The following BDH1 variants were observed in gnomAD, a reference collection of about 807,000 sequenced individuals.
BDH1 encodes the protein 3-hydroxybutyrate dehydrogenase 1.
BDH1 carries 30 observed loss-of-function variants against 33.1 expected under a neutral mutation model. The ratio of observed to expected loss-of-function variants is 0.91; its 90% CI spans 0.68 to 1.23. BDH1 has a LOEUF of 1.23. Ranked by LOEUF, BDH1 falls within the 50% of genes most tolerant of loss-of-function variation. The pLI, the probability that BDH1 is intolerant of heterozygous loss-of-function variation, is 0.00. For synonymous variants in BDH1, 190 were observed against 183.6 expected, an observed-to-expected ratio of 1.03 and a Z score of -0.28; for missense variants, 443 against 464.4, an observed-to-expected ratio of 0.95 and a Z score of 0.42.
upstream of BDH1, among the ~76,000 whole-genome samples, chr3:197,559,066 G>A (rs1012888474): frequency 2.7e-4 from 41 of 150,312 alleles, no homozygotes; most frequent in African/African-American, 9.8e-4. Flanking sequence ...GCAATGGTGC[G>A]ATCTCGGCTC....
rs1195990368 is a variant in BDH1 at position 197,511,661 on chromosome 3, A to G, written c.*234T>C. The stretch of plus-strand genomic sequence containing the variant: ...TTATCTCCGGAGAGATAGATTCACC[A>G]TGTTTGCCCTGAGATTTAGAGGCCT... On this transcript the variant is annotated 3_prime_UTR_variant, in exon 8 of 8. Transcript: ENST00000392379. 6 of 450,838 alleles carry G rather than the reference A, an allele frequency of 1.3e-5. No individual in the cohort carries two copies. Among genetic ancestry groups the G allele is most frequent in the Non-Finnish European group, 2.3e-5 (6 of 257,452 alleles). The allele number at this position is 450,838 out of a possible 1,614,324, so 27.9% of individuals were successfully genotyped here. A position where few individuals can be genotyped will look rare whatever the true frequency, so the allele number is the denominator to read the frequency against.
chr3:197,523,820 G>A lies in BDH1; in HGVS notation c.268-1039C>T, dbSNP rs527390481. On this transcript the variant is annotated intron_variant, in intron 5 of 7. Coordinates refer to ENST00000392379, the MANE Select transcript of BDH1 (RefSeq NM_203314.3). The surrounding 1 kb of genome is among the most constrained non-coding windows in gnomAD (Gnocchi z 4.5). ...CTGAGGACATTCACAAGAGGGGGCCGATGGGGACGGGGCACTGTGGGAAGA... is the reference window on the plus strand; with the variant it reads ...CTGAGGACATTCACAAGAGGGGGCCAATGGGGACGGGGCACTGTGGGAAGA... Among the ~76,000 whole-genome samples the A allele has an allele frequency of 6.6e-6, 1 of 152,282 alleles. No individual in the cohort carries two copies. The highest frequency in any genetic ancestry group is 2.1e-4 in the South Asian group (1 of 4,820).
At chr3:197,560,173 A>G (rs1169465283), upstream of BDH1, among the ~76,000 whole-genome samples, 1 of 152,256 alleles carries the variant, frequency 6.6e-6, no homozygotes, top group African/African-American at 2.4e-5. Context: ...CTCCCCTCTA[A>G]TTAGGAATAA....
chr3:197,513,663 A>G (rs1712357658), intron 7 of BDH1, among the ~76,000 whole-genome samples: 1 of 152,202 alleles, frequency 6.6e-6, no homozygotes, highest in African/African-American at 2.4e-5. Context: ...GTCTGTGTTC[A>G]TGCTTGTTGT....
intron 2 of BDH1, among the ~76,000 whole-genome samples, chr3:197,549,368 G>A (rs756263599): frequency 2.0e-5 from 3 of 152,172 alleles, no homozygotes; most frequent in African/African-American, 4.8e-5. Flanking sequence ...AGAAAACAGC[G>A]TGCGCATCCT....
intron 2 of BDH1, among the ~76,000 whole-genome samples, chr3:197,547,662 C>T (rs765218338): frequency 2.0e-5 from 3 of 152,256 alleles, no homozygotes; most frequent in Non-Finnish European, 2.9e-5. Context: ...TTTTTAACAC[C>T]GGTCAAGCTA....
chr3:197,544,446 G>GA (rs1715911163), intron 3 of BDH1, among the ~76,000 whole-genome samples: 1 of 152,168 alleles, frequency 6.6e-6, no homozygotes, highest in African/African-American at 2.4e-5. Context: ...CTTCATGTGG[G>GA]ATTATCTTCT....
intron 1 of BDH1, among the ~76,000 whole-genome samples, chr3:197,570,868 G>C (rs770998622): frequency 6.6e-6 from 1 of 152,238 alleles, no homozygotes; most frequent in Non-Finnish European, 1.5e-5. Flanking sequence ...GGCTGTGAGA[G>C]GAGGGCCACC....
intron 2 of BDH1, among the ~76,000 whole-genome samples, chr3:197,547,015 AG>A (rs1242015634): frequency 6.6e-6 from 1 of 152,144 alleles, no homozygotes; most frequent in Non-Finnish European, 1.5e-5. Context: ...CGAACAAACA[AG>A]GGGGCTCTGG....
At chr3:197,572,967 A>C (rs974872188) in intron 1 of BDH1, among the ~76,000 whole-genome samples, 2 of 152,142 alleles carry the variant, frequency 1.3e-5, no homozygotes, top group African/African-American at 4.8e-5. Context: ...ATTTATCCCT[A>C]TTGCTACCAG....
At chr3:197,563,598 C>T (rs1276449543) in intron 1 of BDH1, among the ~76,000 whole-genome samples, 3 of 152,030 alleles carry the variant, frequency 2.0e-5, no homozygotes, top group Non-Finnish European at 2.9e-5. Flanking sequence ...TGTAGACAAA[C>T]TCATAATTTA....
chr3:197,554,576 C>A lies in BDH1; in HGVS notation c.-58G>T, dbSNP rs2108767655. On this transcript the variant is annotated 5_prime_UTR_variant, in exon 2 of 8. Coordinates refer to ENST00000392379, the MANE Select transcript of BDH1 (RefSeq NM_203314.3). This position sits in a 1 kb window ranked among gnomAD's most constrained non-coding sequence, Gnocchi z 4.4. ...AGGACACTGACCAGGACATTTGCAG[C>A]GTCACAAAAGATCCTGTCAGCGCGA... 6.6e-6 allele frequency: 1 copy of A among 152,360 alleles called. No homozygotes were observed. The highest frequency in any genetic ancestry group is 2.4e-5 in the African/African-American group (1 of 41,578). The allele number at this position is 152,360 out of a possible 1,614,324, so 9.4% of individuals were successfully genotyped here. A position where few individuals can be genotyped will look rare whatever the true frequency, so the allele number is the denominator to read the frequency against.
Position 197,525,342 on chromosome 3 carries a change from G to A in BDH1, c.268-2561C>T, listed in dbSNP as rs995239638. On this transcript the variant is annotated intron_variant, in intron 5 of 7. Coordinates refer to ENST00000392379, the MANE Select transcript of BDH1 (RefSeq NM_203314.3). This position sits in a 1 kb window ranked among gnomAD's most constrained non-coding sequence, Gnocchi z 4.9. ...TGACATGCACAAGAGGTATCTAAAT[G>A]TCCTTCCTCTTGGGACTTGGTTAAC... Among the ~76,000 whole-genome samples the A allele has an allele frequency of 6.6e-6, 1 of 152,166 alleles. No individual in the cohort carries two copies. The highest frequency in any genetic ancestry group is 6.5e-5 in the Admixed American group (1 of 15,284).
intron 5 of BDH1, among the ~76,000 whole-genome samples, chr3:197,531,277 TC>T (rs1714618708): frequency 6.6e-6 from 1 of 151,744 alleles, no homozygotes; most frequent in Admixed American, 6.6e-5. Flanking sequence ...ATGCCTGTAG[TC>T]CCAGCTACTC....
At chr3:197,537,652 G>A (rs1715271085) in intron 3 of BDH1, among the ~76,000 whole-genome samples, 1 of 152,128 alleles carries the variant, frequency 6.6e-6, no homozygotes, top group Non-Finnish European at 1.5e-5. Context: ...GAAGGCTTAT[G>A]GTGTTTACCC....
chr3:197,553,466 T>C (rs893064056), intron 2 of BDH1, among the ~76,000 whole-genome samples: 1 of 149,074 alleles, frequency 6.7e-6, no homozygotes, highest in South Asian at 2.1e-4. Context: ...GAGGTGGAGA[T>C]TGCAGTGAGC....
intron 3 of BDH1, among the ~76,000 whole-genome samples, chr3:197,541,710 T>C (rs1715640049): frequency 6.6e-6 from 1 of 152,178 alleles, no homozygotes; most frequent in Non-Finnish European, 1.5e-5. Context: ...GCCTCACTCC[T>C]GACCCAGAGG....
intron 3 of BDH1, chr3:197,543,217 G>A (rs1361983822): frequency 1.6e-5 from 16 of 979,202 alleles, no homozygotes; most frequent in Non-Finnish European, 1.9e-5. Context: ...GGTGCAGCTC[G>A]GGAGAAATAT....
At chr3:197,548,808 G>A (rs957190707) in intron 2 of BDH1, among the ~76,000 whole-genome samples, 8 of 151,950 alleles carry the variant, frequency 5.3e-5, no homozygotes, top group East Asian at 1.9e-4. Flanking sequence ...CTGAGATCAC[G>A]CCACTGCACT....
Sources: gnomAD v4.1 joint callset for allele counts (sites outside exome capture counted in the v4.1 genomes callset) on GRCh38, gnomAD v4.1.1 for gene constraint, Gnocchi (gnomAD v3.1) non-coding constraint, MANE v1.5 for transcripts, NCBI Gene and HGNC (gene_info 2026-07-23, HGNC 2026-07-21) for gene names.